WFDC9: variants seen among roughly 807,000 people sequenced by gnomAD.
WFDC9 encodes the protein protein WFDC9.
Under a neutral mutation model 9.5 loss-of-function variants are expected in WFDC9, and 9 were observed. The observed-to-expected ratio is 0.95, with a 90% confidence interval of 0.57 to 1.65. The LOEUF (loss-of-function observed/expected upper bound fraction) is 1.65. Ranked by LOEUF, WFDC9 falls within the 40% of genes most tolerant of loss-of-function variation. The probability of loss-of-function intolerance (pLI) is 0.00; values close to 1 mark genes in which losing one functional copy is unlikely to be tolerated. For synonymous variants in WFDC9, 33 were observed against 32.3 expected (o/e 1.02, Z -0.07); for missense variants, 87 against 106.7 (o/e 0.82, Z 0.81).
chr20:45,626,197 C>G (rs1451910794), intron 1 of WFDC9, among the ~76,000 whole-genome samples: 1 of 152,066 alleles, frequency 6.6e-6, no homozygotes, highest in Non-Finnish European at 1.5e-5. Context: ...GTTACTAGAG[C>G]TTGGTAGTAT....
intron 4 of WFDC9, 107 bp downstream of exon 4, chr20:45,608,556 C>T: frequency 7.3e-7 from 1 of 1,374,234 alleles, no homozygotes. Flanking sequence ...TCTTTTGCTG[C>T]CTATTTCTTT....
At chr20:45,608,864 C>A in intron 3 of WFDC9, 54 bp from the exon 4 acceptor site, 9 of 1,527,470 alleles carry the variant, frequency 5.9e-6, no homozygotes, top group Non-Finnish European at 7.9e-6. Flanking sequence ...GACAAGAAAC[C>A]TTTTCTAAGC....
chr20:45,627,488 A>G (rs779305503), intron 1 of WFDC9, among the ~76,000 whole-genome samples: 2 of 152,086 alleles, frequency 1.3e-5, no homozygotes, highest in Non-Finnish European at 2.9e-5. Flanking sequence ...TACTGATTCA[A>G]TCTCCTTACT....
intron 2 of WFDC9, among the ~76,000 whole-genome samples, chr20:45,610,722 A>G (rs1011497247): frequency 6.6e-6 from 1 of 152,222 alleles, no homozygotes; most frequent in Non-Finnish European, 1.5e-5. Context: ...TTACAGATAG[A>G]TAACAGGACT....
chr20:45,619,850 C>G (rs926687570), intron 1 of WFDC9, among the ~76,000 whole-genome samples: 2 of 152,090 alleles, frequency 1.3e-5, no homozygotes, highest in Admixed American at 6.5e-5. Context: ...CATGGTGAAA[C>G]CTCGTCTCTA....
chr20:45,609,354 C>A (rs920597620), intron 3 of WFDC9, among the ~76,000 whole-genome samples: 1 of 152,086 alleles, frequency 6.6e-6, no homozygotes, highest in South Asian at 2.1e-4. Context: ...CAGGAGCACA[C>A]CACCATGCCT....
intron 2 of WFDC9, among the ~76,000 whole-genome samples, chr20:45,611,849 T>G (rs1981865289): frequency 6.6e-6 from 1 of 152,184 alleles, no homozygotes. Flanking sequence ...CTCCACCCCT[T>G]GTTCTACTCT....
Position 45,608,670 on chromosome 20 carries a change from C to G in WFDC9, c.232G>C (p.Asp78His). The change falls in exon 4 of 5, where the codon GAC (aspartate) becomes CAC (histidine). Residue 78 changes from aspartate to histidine, a missense_variant. Asp to His is a moderately conservative substitution (Grantham distance 81, BLOSUM62 -1). Transcript: ENST00000326000. Reference sequence around the variant, plus strand: ...CCACCCCAACCAACTCACTCGTTGTCTAAGCAGATGTTTCCACAGTAGGTC... The same window carrying G: ...CCACCCCAACCAACTCACTCGTTGTGTAAGCAGATGTTTCCACAGTAGGTC... ...CWTYCGNICL[D>H]NEEPLKSMLN... 6.2e-7 allele frequency: 1 copy of G among 1,612,270 alleles called. No individual in the cohort carries two copies. The highest frequency in any genetic ancestry group is 8.5e-7 in the Non-Finnish European group (1 of 1,178,996).
At chr20:45,618,695 G>T (rs1162107640) in intron 1 of WFDC9, among the ~76,000 whole-genome samples, 1 of 150,890 alleles carries the variant, frequency 6.6e-6, no homozygotes, top group Non-Finnish European at 1.5e-5. Flanking sequence ...GGGCACAGCT[G>T]GTGGCACTCC....
chr20:45,607,991 G>A lies in WFDC9; in HGVS notation c.*119C>T. 8.8e-7 allele frequency: 1 copy of A among 1,141,182 alleles called. No individual in the cohort carries two copies. Among genetic ancestry groups the A allele is most frequent in the Admixed American group, 2.0e-5 (1 of 49,532 alleles). The allele number at this position is 1,141,182 out of a possible 1,614,324, so 70.7% of individuals were successfully genotyped here. ...AAAAGCTTCAGGGTAAAGAGGTCAA[G>A]GAAATAGCAGAAAGGTTACCAGCTA... is the stretch of plus-strand genomic sequence containing the variant. On this transcript the variant is annotated 3_prime_UTR_variant, in exon 5 of 5. Transcript: ENST00000326000.
At chr20:45,608,193 T>C in intron 4 of WFDC9, 53 bp from the exon 5 acceptor site, 1 of 1,553,780 alleles carries the variant, frequency 6.4e-7, no homozygotes, top group East Asian at 2.2e-5. Flanking sequence ...AATCCATTTC[T>C]AAAATTAATA....
intron 2 of WFDC9, among the ~76,000 whole-genome samples, chr20:45,611,365 T>C (rs1283854702): frequency 2.6e-5 from 4 of 152,172 alleles, no homozygotes; most frequent in Non-Finnish European, 5.9e-5. Flanking sequence ...AATCCATAGT[T>C]CTGAACAATT....
intron 1 of WFDC9, among the ~76,000 whole-genome samples, chr20:45,622,248 C>A (rs898159127): frequency 2.0e-5 from 3 of 152,082 alleles, no homozygotes; most frequent in African/African-American, 7.2e-5. Context: ...TCTGATTATT[C>A]TTCTTCTTTG....
chr20:45,624,280 G>A (rs1466632915), intron 1 of WFDC9, among the ~76,000 whole-genome samples: 1 of 152,130 alleles, frequency 6.6e-6, no homozygotes, highest in Non-Finnish European at 1.5e-5. Context: ...ACTTCCATGA[G>A]GTCGACTTTT....
intron 1 of WFDC9, among the ~76,000 whole-genome samples, chr20:45,623,620 T>C (rs1199122365): frequency 1.4e-5 from 2 of 146,010 alleles, no homozygotes; most frequent in Non-Finnish European, 3.0e-5. Context: ...AGAGAGAAAC[T>C]CCATCTCAAA....
intron 1 of WFDC9, among the ~76,000 whole-genome samples, 170 bp from the exon 2 acceptor site, chr20:45,614,891 G>A (rs371801930): frequency 6.6e-6 from 1 of 152,102 alleles, no homozygotes; most frequent in African/African-American, 2.4e-5. Flanking sequence ...AGGTGCAGGT[G>A]GGATCCTCTG....
intron 1 of WFDC9, among the ~76,000 whole-genome samples, chr20:45,615,773 C>T (rs1049998836): frequency 6.6e-6 from 1 of 151,930 alleles, no homozygotes; most frequent in Non-Finnish European, 1.5e-5. Context: ...TAATAGTTTT[C>T]TTATGATGAA....
At chr20:45,629,646 G>A in intron 1 of WFDC9, 1 of 794,558 alleles carries the variant, frequency 1.3e-6, no homozygotes, top group South Asian at 2.1e-5. Flanking sequence ...AAGGCCAGGG[G>A]CAAGCAAAAA....
At chr20:45,629,100 T>A (rs1317156527) in intron 1 of WFDC9, among the ~76,000 whole-genome samples, 1 of 152,194 alleles carries the variant, frequency 6.6e-6, no homozygotes, top group East Asian at 1.9e-4. Context: ...TCTTTCTGTG[T>A]GTTTATGTGT....
Sources: gnomAD v4.1 joint callset for allele counts (sites outside exome capture counted in the v4.1 genomes callset) on GRCh38, gnomAD v4.1.1 for gene constraint, MANE v1.5 for transcripts, NCBI Gene and HGNC (gene_info 2026-07-23, HGNC 2026-07-21) for gene names.